KIAA1328: variants seen among roughly 807,000 people sequenced by gnomAD.
The protein encoded by KIAA1328 is KIAA1328.
A neutral mutation model predicts 68.1 loss-of-function variants in KIAA1328; 52 were observed. That is an observed-to-expected ratio of 0.76 (90% CI 0.61 to 0.96). The LOEUF (loss-of-function observed/expected upper bound fraction) is 0.96, where lower values mean the gene tolerates loss of function less well. Among genes scored for constraint, KIAA1328 ranks in the 40% least tolerant of loss-of-function variants. The probability of loss-of-function intolerance (pLI) is 0.00; values close to 1 mark genes in which losing one functional copy is unlikely to be tolerated. For synonymous variants in KIAA1328, 232 were observed against 239.4 expected (o/e 0.97, Z 0.28); for missense variants, 641 against 677.6 (o/e 0.95, Z 0.60).
chr18:36,921,684 G>A (rs946251151), intron 5 of KIAA1328, among the ~76,000 whole-genome samples: 7 of 152,114 alleles, frequency 4.6e-5, no homozygotes, highest in Non-Finnish European at 7.4e-5. Flanking sequence ...GAATACAGGC[G>A]TGAGCCACTG....
intron 9 of KIAA1328, among the ~76,000 whole-genome samples, chr18:37,181,720 T>G (rs2059701977): frequency 6.6e-6 from 1 of 152,160 alleles, no homozygotes; most frequent in Non-Finnish European, 1.5e-5. Flanking sequence ...CAGCTTATAT[T>G]TACTACTCAC....
At chr18:36,886,843 G>A (rs1424690199) in intron 5 of KIAA1328, among the ~76,000 whole-genome samples, 1 of 152,092 alleles carries the variant, frequency 6.6e-6, no homozygotes, top group Non-Finnish European at 1.5e-5. Flanking sequence ...ATGCCTTTGT[G>A]AATACCAGAG....
At chr18:37,162,322 T>TA (rs2059298921) in intron 8 of KIAA1328, among the ~76,000 whole-genome samples, 1 of 152,176 alleles carries the variant, frequency 6.6e-6, no homozygotes, top group African/African-American at 2.4e-5. Context: ...TAAGAGTTTT[T>TA]ATTTTAAGGC....
chr18:37,009,731 T>C (rs757223021), intron 6 of KIAA1328, among the ~76,000 whole-genome samples: 2 of 152,150 alleles, frequency 1.3e-5, no homozygotes, highest in African/African-American at 2.4e-5. Flanking sequence ...AACGATTTTA[T>C]GGATATAAGA....
chr18:36,970,902 T>A (rs2052175230), intron 6 of KIAA1328, among the ~76,000 whole-genome samples: 1 of 152,116 alleles, frequency 6.6e-6, no homozygotes, highest in Non-Finnish European at 1.5e-5. Flanking sequence ...CTCAATGCTA[T>A]CCCCATCAAG....
chr18:36,933,126 T>C (rs1305287516), intron 5 of KIAA1328, among the ~76,000 whole-genome samples: 1 of 152,136 alleles, frequency 6.6e-6, no homozygotes, highest in African/African-American at 2.4e-5. Flanking sequence ...TTGACCCAAT[T>C]TCTAAGGAAA....
chr18:37,072,568 C>G (rs551123452), intron 7 of KIAA1328, among the ~76,000 whole-genome samples: 38 of 151,950 alleles, frequency 2.5e-4, no homozygotes, highest in African/African-American at 8.4e-4. Flanking sequence ...TTATTTTTTT[C>G]TAATACTTTT....
chr18:36,946,282 C>T (rs1383131813), intron 5 of KIAA1328: 1 of 152,166 alleles, frequency 6.6e-6, no homozygotes, highest in African/African-American at 2.4e-5. Context: ...CACAGAAAGA[C>T]ATACCAAGAA....
At chr18:37,018,294 A>G (rs1052122394) in intron 6 of KIAA1328, among the ~76,000 whole-genome samples, 3 of 152,164 alleles carry the variant, frequency 2.0e-5, no homozygotes, top group Non-Finnish European at 4.4e-5. Context: ...ATAGGCTCCC[A>G]ATCTCTCCTG....
chr18:36,954,698 T>C (rs1217900094), intron 5 of KIAA1328, among the ~76,000 whole-genome samples: 1 of 151,486 alleles, frequency 6.6e-6, no homozygotes, highest in African/African-American at 2.4e-5. Context: ...TTTTTTTTTT[T>C]TTTTTTTCTT....
intron 7 of KIAA1328, among the ~76,000 whole-genome samples, chr18:37,082,508 T>C (rs921885665): frequency 5.9e-5 from 9 of 152,166 alleles, no homozygotes; most frequent in Non-Finnish European, 1.0e-4. Context: ...CATGAATTAA[T>C]ATCTGCTATA....
At chr18:37,108,348 C>T (rs1034202784) in intron 7 of KIAA1328, among the ~76,000 whole-genome samples, 39 of 150,344 alleles carry the variant, frequency 2.6e-4, no homozygotes, top group African/African-American at 8.6e-4. Flanking sequence ...ATGAGAACAG[C>T]AGACTCTGTG....
intron 5 of KIAA1328, 76 bp downstream of exon 5, chr18:36,885,748 G>A (rs960629869): frequency 2.0e-5 from 19 of 967,762 alleles, no homozygotes; most frequent in Non-Finnish European, 2.9e-5. Flanking sequence ...ACGAAATCTC[G>A]CTCTTGTCGC....
At chr18:37,087,330 G>A (rs2057135438) in intron 7 of KIAA1328, among the ~76,000 whole-genome samples, 2 of 152,146 alleles carry the variant, frequency 1.3e-5, no homozygotes, top group South Asian at 4.1e-4. Context: ...AAAGAGCTGG[G>A]ATTATAGGCA....
chr18:37,128,324 A>T (rs1041468480), intron 7 of KIAA1328, among the ~76,000 whole-genome samples: 2 of 152,036 alleles, frequency 1.3e-5, no homozygotes, highest in Non-Finnish European at 2.9e-5. Flanking sequence ...TACCAAAAAG[A>T]TTAGCTGGGT....
intron 8 of KIAA1328, among the ~76,000 whole-genome samples, chr18:37,162,080 A>G (rs74479355): frequency 0.016 from 2,436 of 152,318 alleles, 35 homozygotes; most frequent in East Asian, 0.078. Context: ...GTCTGCTGAC[A>G]TTTCAGCACT....
chr18:36,858,608 T>C (rs1239443497), intron 4 of KIAA1328, among the ~76,000 whole-genome samples: 1 of 152,244 alleles, frequency 6.6e-6, no homozygotes, highest in Non-Finnish European at 1.5e-5. Flanking sequence ...GTATGCCACA[T>C]TGCATTTAGT....
chr18:37,201,570 G>A (rs1449612614), intron 9 of KIAA1328, among the ~76,000 whole-genome samples: 1 of 152,144 alleles, frequency 6.6e-6, no homozygotes, highest in African/African-American at 2.4e-5. Flanking sequence ...TACCTGGTAT[G>A]ATTGTTTGCA....
intron 9 of KIAA1328, among the ~76,000 whole-genome samples, chr18:37,220,413 A>G (rs971785249): frequency 9.2e-5 from 14 of 152,240 alleles, no homozygotes; most frequent in African/African-American, 3.1e-4. Flanking sequence ...TAGAAATTGC[A>G]TATGAGAATA....
Sources: allele counts gnomAD v4.1 joint callset (sites outside exome capture counted in the v4.1 genomes callset), GRCh38; gene constraint gnomAD v4.1.1; transcripts MANE v1.5; gene names NCBI Gene and HGNC (gene_info 2026-07-23, HGNC 2026-07-21).